Variants in SYNE1 observed in about 807,000 individuals in gnomAD.
SYNE1 encodes the protein spectrin repeat containing nuclear envelope protein 1, also known as nesprin-1.
In SYNE1, 616 loss-of-function variants were observed where a neutral mutation model predicts 1,111.0. The observed-to-expected ratio is 0.55, with a 90% CI of 0.52 to 0.59. SYNE1 has a LOEUF of 0.59. Among genes scored for constraint, SYNE1 ranks in the 20% least tolerant of loss-of-function variants. The pLI is 0.00. For missense variants in SYNE1, 10,006 were observed against 10,417.0 expected (o/e 0.96, Z 1.72); for synonymous variants, 3,855 against 3,825.8 (o/e 1.01, Z -0.28).
Position 152,236,013 on chromosome 6 carries a change from A to T in SYNE1, c.20396+94T>A, listed in dbSNP as rs557207939. ...CCGTATTGGCCACCCAAGTAATGAG[A>T]TTATAGGTTTGAGCCATCATCCCCC... On this transcript the variant is annotated intron_variant, in intron 110 of 145. Coordinates refer to ENST00000367255, the MANE Select transcript of SYNE1 (RefSeq NM_182961.4). The T allele has an allele frequency of 7.5e-5, 104 of 1,382,514 alleles. 1 individual carries two copies. The Admixed American group carries it at 1.2e-3, about 16-fold the overall frequency. The allele number at this position is 1,382,514 out of a possible 1,614,324, so 85.6% of individuals were successfully genotyped here. A position where few individuals can be genotyped will look rare whatever the true frequency, so the allele number is the denominator to read the frequency against.
intron 66 of SYNE1, among the ~76,000 whole-genome samples, chr6:152,355,962 A>G (rs2096829784): frequency 6.6e-6 from 1 of 152,220 alleles, no homozygotes; most frequent in East Asian, 1.9e-4. Flanking sequence ...GTAAAGACAT[A>G]TGCACATGGA....
intron 18 of SYNE1, among the ~76,000 whole-genome samples, 168 bp downstream of exon 18, chr6:152,465,090 G>A (rs1338456765): frequency 2.0e-5 from 3 of 152,146 alleles, no homozygotes; most frequent in Non-Finnish European, 4.4e-5. Context: ...CTATTAAGCA[G>A]TGTATTTATT....
chr6:152,246,997 A>G (rs1254272400), intron 105 of SYNE1, among the ~76,000 whole-genome samples: 1 of 152,260 alleles, frequency 6.6e-6, no homozygotes, highest in African/African-American at 2.4e-5. Context: ...CTTATCATGT[A>G]CCCTTTCTAA....
intron 14 of SYNE1, among the ~76,000 whole-genome samples, chr6:152,474,112 G>A (rs573043598): frequency 6.6e-6 from 1 of 152,100 alleles, no homozygotes; most frequent in South Asian, 2.1e-4. Flanking sequence ...TTGAACCCAG[G>A]AGGTGGAGGT....
In SYNE1 at chr6:152,141,171, A is replaced by G. The variant is rs763380596; in HGVS notation, c.25246+32T>C. ...AAAGTGCTTCAGGATCTTCTATTTC[A>G]TTCACTCTTGAACTGGATGCTACGC... On this transcript the variant is annotated intron_variant, in intron 139 of 145. Coordinates refer to ENST00000367255, the MANE Select transcript of SYNE1 (RefSeq NM_182961.4). 6.8e-6 allele frequency: 11 copies of G among 1,613,958 alleles called. No homozygotes were observed. The Middle Eastern group carries it at 5.0e-4, about 73-fold the overall frequency.
rs763427169 is a variant in SYNE1, at chr6:152,255,597, G to A, written c.19254C>T (p.Asn6418=). The change falls in exon 103 of 146, where the codon AAC becomes AAT. Residue 6418 remains asparagine (N), a synonymous_variant. Coordinates refer to ENST00000367255, the MANE Select transcript of SYNE1 (RefSeq NM_182961.4). ...CAGGAACTACTAAACCTACCTCTTG[G>A]TTGAAGAGACAAGTCTCTGTTTCTT... ...LPEETETCLF[N]QEILAKDIKE... is the part of the protein sequence containing the mutation. 2 of 1,614,138 alleles carry A rather than the reference G, an allele frequency of 1.2e-6. No homozygotes were observed. Among genetic ancestry groups the A allele is most frequent in the South Asian group, 1.1e-5 (1 of 91,082 alleles).
intron 117 of SYNE1, among the ~76,000 whole-genome samples, chr6:152,223,295 C>G (rs1327531285): frequency 6.6e-6 from 1 of 152,120 alleles, no homozygotes; most frequent in Non-Finnish European, 1.5e-5. Flanking sequence ...TTTGTCCTTC[C>G]TCTCTTCCAC....
chr6:152,143,691 G>A lies in SYNE1; in HGVS notation c.25051C>T (p.Gln8351Ter). Residue 8351 changes from glutamine to a stop codon, truncating the protein, a stop_gained, in exon 138 of 146, where the codon CAA (glutamine) becomes TAA (stop). Transcript: ENST00000367255. LOFTEE classifies it high-confidence loss of function. ...ALDDSRFQIQQTENIIRSKTP... is the reference protein window; with the variant it reads ...ALDDSRFQIQ ...TTGCTGCGAATGATATTTTCGGTTT[G>A]CTGTATCTGAAAACGGCTATCATCC... 6.2e-7 allele frequency: 1 copy of A among 1,614,198 alleles called. No homozygotes were observed. The highest frequency in any genetic ancestry group is 8.5e-7 in the Non-Finnish European group (1 of 1,180,038).
In SYNE1 at chr6:152,211,741, C is replaced by A. The variant is rs190296023; in HGVS notation, c.22495-153G>T. 2.2e-3 allele frequency among the ~76,000 whole-genome samples: 331 copies of A among 152,224 alleles called. 2 individuals carry two copies. The highest frequency in any genetic ancestry group is 7.1e-3 in the African/African-American group (295 of 41,554). ...GTGTGAAATCCTGCAGTTTAGGAATCATTTATTTTTAAATCATCAATTAAG... is the reference window on the plus strand; with the variant it reads ...GTGTGAAATCCTGCAGTTTAGGAATAATTTATTTTTAAATCATCAATTAAG... On this transcript the variant is annotated intron_variant, in intron 123 of 145. Transcript: ENST00000367255.
At chr6:152,233,430 T>C (rs1177970223) in intron 112 of SYNE1, among the ~76,000 whole-genome samples, 1 of 151,912 alleles carries the variant, frequency 6.6e-6, no homozygotes, top group African/African-American at 2.4e-5. Context: ...GTTCAAACAA[T>C]TCTGCTGCCT....
At position 152,391,403 on chromosome 6, in the gene SYNE1, G is replaced by A. The variant is rs138196409; in HGVS notation, c.7878C>T (p.His2626=). The A allele has an allele frequency of 1.1e-5, 18 of 1,613,738 alleles. No homozygotes were observed. The highest frequency in any genetic ancestry group is 1.1e-4 in the East Asian group (5 of 44,856). Residue 2626 remains histidine (H), a synonymous_variant, in exon 52 of 146, where the codon CAC becomes CAT. Coordinates refer to ENST00000367255, the MANE Select transcript of SYNE1 (RefSeq NM_182961.4). Reference sequence around the variant, plus strand: ...TTTGCAGTGCTTCCTCCAGGGCTTCGTGCTCCTGAAGGGCCACCTGGCAGC... The same window carrying A: ...TTTGCAGTGCTTCCTCCAGGGCTTCATGCTCCTGAAGGGCCACCTGGCAGC... ...LRSCQVALQE[H]EALEEALQSM... is the part of the protein sequence containing the mutation.
intron 127 of SYNE1, among the ~76,000 whole-genome samples, chr6:152,190,613 A>T (rs540255235): frequency 6.6e-6 from 1 of 152,332 alleles, no homozygotes; most frequent in East Asian, 1.9e-4. Context: ...TTATTTAAAA[A>T]TGTATGATTA....
chr6:152,519,441 G>A (rs1358508769), intron 6 of SYNE1, among the ~76,000 whole-genome samples: 5 of 152,176 alleles, frequency 3.3e-5, no homozygotes, highest in African/African-American at 4.8e-5. Context: ...GGAGCTCTTA[G>A]CGGTCAAAGC....
chr6:152,517,924 G>T (rs778291146), intron 6 of SYNE1, among the ~76,000 whole-genome samples: 1 of 150,392 alleles, frequency 6.6e-6, no homozygotes, highest in Non-Finnish European at 1.5e-5. Flanking sequence ...TAAATAAAAC[G>T]TTTATTATTT....
rs1262362717 is a variant in SYNE1, at chr6:152,220,703, G to A, written c.21861+139C>T. On this transcript the variant is annotated intron_variant, in intron 119 of 145. Coordinates refer to ENST00000367255, the MANE Select transcript of SYNE1 (RefSeq NM_182961.4). ...GCACCTGTGTTCTGAAAATCAGGCA[G>A]GCTCTTTGATCCTAAGACAGTTATT... The A allele has an allele frequency of 7.7e-6, 6 of 781,000 alleles. No individual in the cohort carries two copies. In the Admixed American group the frequency reaches 9.6e-5, roughly 12 times the overall value. The allele number at this position is 781,000 out of a possible 1,614,324, so 48.4% of individuals were successfully genotyped here.
chr6:152,231,514 C>A lies in SYNE1; in HGVS notation c.20916G>T (p.Gln6972His), dbSNP rs750561902. The change falls in exon 114 of 146, where the codon CAG becomes CAT. Residue 6972 changes from glutamine to histidine, a missense_variant. Physicochemically the swap from Gln to His is conservative, Grantham distance 24. Coordinates refer to ENST00000367255, the MANE Select transcript of SYNE1 (RefSeq NM_182961.4). ...CCTGACTGCTGATTTGTAGCACGGA[C>A]TGGTTCACAAAATCCACTGTCAGCT... ...CKQLTVDFVNQSVLQISSQDV... is the reference protein window; with the variant it reads ...CKQLTVDFVNHSVLQISSQDV... The A allele has an allele frequency of 7.4e-6, 12 of 1,613,976 alleles. No individual in the cohort carries two copies. In the African/African-American group the frequency reaches 1.5e-4, roughly 20 times the overall value.
rs1036158396 is a variant in SYNE1 at position 152,416,914 on chromosome 6, G to A, written c.5523C>T (p.Leu1841=). 2 of 1,614,108 alleles carry A rather than the reference G, an allele frequency of 1.2e-6. No individual in the cohort carries two copies. The highest frequency in any genetic ancestry group is 8.5e-7 in the Non-Finnish European group (1 of 1,179,980). ...GSLGRAEDLH[L]LQGKAEDCFQ... is the part of the protein sequence containing the mutation. Reference sequence around the variant, plus strand: ...AGCAGTCCTCAGCCTTTCCCTGCAGGAGGTGGAGGTCCTCAGCACGGCCCA... The same window carrying A: ...AGCAGTCCTCAGCCTTTCCCTGCAGAAGGTGGAGGTCCTCAGCACGGCCCA... Residue 1841 remains leucine (L), a synonymous_variant, in exon 41 of 146, where the codon CTC becomes CTT. Transcript: ENST00000367255.
chr6:152,402,730 C>CGT (rs139325960), intron 46 of SYNE1: 10 of 150,100 alleles, frequency 6.7e-5, no homozygotes, highest in Admixed American at 1.3e-4. Context: ...TATGTGCACA[C>CGT]GTGTGTGTGT....
At chr6:152,618,171 A>T (rs1387990842) in intron 3 of SYNE1, among the ~76,000 whole-genome samples, 1 of 152,182 alleles carries the variant, frequency 6.6e-6, no homozygotes. Flanking sequence ...TAAGAATTCC[A>T]CTTTTTTCTG....
Sources: gnomAD v4.1 joint callset for allele counts (sites outside exome capture counted in the v4.1 genomes callset) on GRCh38, gnomAD v4.1.1 for gene constraint, MANE v1.5 for transcripts, NCBI Gene and HGNC (gene_info 2026-07-23, HGNC 2026-07-21) for gene names.